The following RGS13 variants were observed in gnomAD, a reference collection of about 807,000 sequenced individuals.
RGS13 encodes regulator of G-protein signalling 13.
Under a neutral mutation model 19.9 loss-of-function variants are expected in RGS13, and 14 were observed. The ratio of observed to expected loss-of-function variants is 0.70; its 90% CI spans 0.46 to 1.10. RGS13 has a LOEUF of 1.10. RGS13 is among the 50% of genes least tolerant of loss of function. RGS13 has a pLI of 0.00. For synonymous variants in RGS13, 60 were observed against 56.8 expected, an observed-to-expected ratio of 1.06 and a Z score of -0.25; for missense variants, 205 against 187.1, an observed-to-expected ratio of 1.10 and a Z score of -0.56.
At chr1:192,658,004 G>A (rs1663474316) in intron 5 of RGS13, among the ~76,000 whole-genome samples, 197 bp from the exon 6 acceptor site, 1 of 152,092 alleles carries the variant, frequency 6.6e-6, no homozygotes, top group Non-Finnish European at 1.5e-5. Context: ...TCAGTGATCA[G>A]CATTGTCAAA....
At chr1:192,636,862 G>A (rs1330551096) in intron 1 of RGS13, among the ~76,000 whole-genome samples, 1 of 151,832 alleles carries the variant, frequency 6.6e-6, no homozygotes, top group Non-Finnish European at 1.5e-5. Context: ...TAAAGGACAA[G>A]AAATTTGTGT....
chr1:192,639,595 T>C (rs1353808769), intron 3 of RGS13, among the ~76,000 whole-genome samples: 1 of 152,074 alleles, frequency 6.6e-6, no homozygotes, highest in East Asian at 1.9e-4. Context: ...GAGGAAGAAA[T>C]GCGGTCTAAC....
intron 5 of RGS13, among the ~76,000 whole-genome samples, chr1:192,651,985 A>G (rs968486347): frequency 2.0e-5 from 3 of 151,998 alleles, no homozygotes; most frequent in Non-Finnish European, 4.4e-5. Context: ...ACAGTTGTAT[A>G]TTTTTCTCTG....
At chr1:192,642,968 T>C (rs1175399520) in intron 3 of RGS13, among the ~76,000 whole-genome samples, 2 of 152,194 alleles carry the variant, frequency 1.3e-5, no homozygotes, top group East Asian at 3.8e-4. Flanking sequence ...CAAGTGATTG[T>C]CCCACTACAG....
At position 192,644,235 on chromosome 1, in the gene RGS13, T is replaced by C. The variant is rs1383005141; in HGVS notation, c.-4-96T>C. The C allele has an allele frequency of 1.3e-5, 11 of 859,360 alleles. No homozygotes were observed. The Admixed American group carries it at 3.0e-4, about 23-fold the overall frequency. 53.2% of individuals were successfully genotyped at this position (859,360 alleles called of 1,614,324 possible). On this transcript the variant is annotated intron_variant, in intron 3 of 6. Transcript: ENST00000391995. The stretch of plus-strand genomic sequence containing the variant: ...AACTTCAAGAGCCCATCTTTTTTTT[T>C]ATGATTTATAATATTGTATGTTCCT...
In RGS13 at chr1:192,659,659, A is replaced by G. The variant is rs1663575757; in HGVS notation, c.*136A>G. 7 of 635,874 alleles carry G rather than the reference A, an allele frequency of 1.1e-5. No homozygotes were observed. Among genetic ancestry groups the G allele is most frequent in the South Asian group, 2.2e-5 (1 of 45,622 alleles). The allele number at this position is 635,874 out of a possible 1,614,324, so 39.4% of individuals were successfully genotyped here. A position where few individuals can be genotyped will look rare whatever the true frequency, so the allele number is the denominator to read the frequency against. ...AACTATAAGTTGACTTTTAGTTCCTAAAAAGAAACATATTTCAAAAGCAAT... is the reference window on the plus strand; with the variant it reads ...AACTATAAGTTGACTTTTAGTTCCTGAAAAGAAACATATTTCAAAAGCAAT... On this transcript the variant is annotated 3_prime_UTR_variant, in exon 7 of 7. Coordinates refer to ENST00000391995, the MANE Select transcript of RGS13 (RefSeq NM_002927.5).
chr1:192,641,168 GAGAA>G (rs1362425554), intron 3 of RGS13, among the ~76,000 whole-genome samples: 10 of 141,410 alleles, frequency 7.1e-5, no homozygotes, highest in African/African-American at 2.1e-4. Context: ...AAGAAAGAGA[GAGAA>G]AGAAAGAAAA....
intron 5 of RGS13, 103 bp downstream of exon 5, chr1:192,648,090 C>G: frequency 6.0e-6 from 4 of 670,108 alleles, no homozygotes; most frequent in Non-Finnish European, 9.7e-6. Flanking sequence ...CTTCTCACAG[C>G]CTTCTAACTG....
chr1:192,647,879 C>A (rs1325571406), intron 4 of RGS13, 47 bp from the exon 5 acceptor site: 3 of 1,292,878 alleles, frequency 2.3e-6, no homozygotes, highest in East Asian at 2.5e-5. Context: ...TCAACAAAAA[C>A]CTTGAGAATA....
rs1663576829 is a variant in RGS13, at chr1:192,659,724, AGCAAGCCTATGTAGTT to A, written c.*202_*217del. On this transcript the variant is annotated 3_prime_UTR_variant, in exon 7 of 7. Transcript: ENST00000391995. ...TTATAACATGAATAACAAAATGTAC[AGCAAGCCTATGTAGTT>A]CAATTAATATATAAGGAAAAGGAAG... is the stretch of plus-strand genomic sequence containing the variant. 2 of 532,652 alleles carry A rather than the reference AGCAAGCCTATGTAGTT, an allele frequency of 3.8e-6. No homozygotes were observed. 33.0% of individuals were successfully genotyped at this position (532,652 alleles called of 1,614,324 possible).
intron 5 of RGS13, among the ~76,000 whole-genome samples, chr1:192,648,338 T>C (rs1226513388): frequency 2.6e-5 from 4 of 152,134 alleles, no homozygotes; most frequent in African/African-American, 9.7e-5. Flanking sequence ...TAAGAATAAA[T>C]TTGAGTCTTG....
At chr1:192,653,010 A>T (rs1663369941) in intron 5 of RGS13, among the ~76,000 whole-genome samples, 1 of 152,096 alleles carries the variant, frequency 6.6e-6, no homozygotes, top group Non-Finnish European at 1.5e-5. Flanking sequence ...AGTACAGAGG[A>T]AATTGAAAGC....
At chr1:192,655,207 AAGTT>A (rs1284669258) in intron 5 of RGS13, among the ~76,000 whole-genome samples, 1 of 152,082 alleles carries the variant, frequency 6.6e-6, no homozygotes, top group African/African-American at 2.4e-5. Context: ...ATTCAGACAA[AAGTT>A]AGCCTGATGC....
At position 192,658,352 on chromosome 1, in the gene RGS13, A is replaced by G. The variant is rs1479773605; in HGVS notation, c.279A>G (p.Pro93=). 1.2e-6 allele frequency: 2 copies of G among 1,612,810 alleles called. No homozygotes were observed. Among genetic ancestry groups the G allele is most frequent in the African/African-American group, 2.7e-5 (2 of 74,836 alleles). ...AKKLYKIYIQ[P]QSPREINIDS... ...AGCTTTATAAGATTTACATCCAGCCACAGTCCCCTAGAGAGGTAACTACCT... is the reference window on the plus strand; with the variant it reads ...AGCTTTATAAGATTTACATCCAGCCGCAGTCCCCTAGAGAGGTAACTACCT... The change falls in exon 6 of 7, where the codon CCA becomes CCG. Residue 93 remains proline (P), a synonymous_variant. Coordinates refer to ENST00000391995, the MANE Select transcript of RGS13 (RefSeq NM_002927.5).
chr1:192,648,023 G>A (rs1483976856), intron 5 of RGS13, 36 bp downstream of exon 5: 6 of 1,445,774 alleles, frequency 4.2e-6, no homozygotes, highest in Non-Finnish European at 5.8e-6. Flanking sequence ...TGAATAACTA[G>A]CGAGTTCCAT....
chr1:192,644,259 C>A, intron 3 of RGS13, 72 bp from the exon 4 acceptor site: 1 of 1,119,070 alleles, frequency 8.9e-7, no homozygotes, highest in Non-Finnish European at 1.3e-6. Flanking sequence ...TTGTATGTTC[C>A]TTAGAAACTG....
chr1:192,654,263 A>T (rs1663397513), intron 5 of RGS13, among the ~76,000 whole-genome samples: 1 of 151,896 alleles, frequency 6.6e-6, no homozygotes, highest in Non-Finnish European at 1.5e-5. Context: ...GCCATTATGG[A>T]ATATTTTCCT....
At chr1:192,642,239 T>C (rs12046654) in intron 3 of RGS13, among the ~76,000 whole-genome samples, 3,876 of 152,210 alleles carry the variant, frequency 0.025, 110 homozygotes, top group East Asian at 0.083. Flanking sequence ...ACATGATTAT[T>C]GGTTCAATCT....
intron 3 of RGS13, among the ~76,000 whole-genome samples, chr1:192,642,038 G>A (rs1420676561): frequency 6.6e-6 from 1 of 152,020 alleles, no homozygotes; most frequent in African/African-American, 2.4e-5. Flanking sequence ...ATGACACTCT[G>A]GCCACACTGC....
Sources: gnomAD v4.1 joint callset for allele counts (sites outside exome capture counted in the v4.1 genomes callset) on GRCh38, gnomAD v4.1.1 for gene constraint, MANE v1.5 for transcripts, NCBI Gene and HGNC (gene_info 2026-07-23, HGNC 2026-07-21) for gene names.